RAD51B: variants seen among roughly 807,000 people sequenced by gnomAD.
The protein encoded by RAD51B is DNA repair protein RAD51 homolog 2.
A neutral mutation model predicts 42.2 loss-of-function variants in RAD51B; 38 were observed. The observed-to-expected ratio is 0.90, with a 90% CI of 0.70 to 1.18. The LOEUF (loss-of-function observed/expected upper bound fraction) is 1.18. RAD51B is among the 50% of genes most tolerant of loss of function. The pLI is 0.00. For synonymous variants in RAD51B, 154 were observed against 145.2 expected (o/e 1.06, Z -0.43); for missense variants, 373 against 400.7 (o/e 0.93, Z 0.59).
intron 7 of RAD51B, among the ~76,000 whole-genome samples, chr14:68,039,294 G>A (rs1393191603): frequency 1.3e-5 from 2 of 151,960 alleles, no homozygotes; most frequent in Non-Finnish European, 2.9e-5. Context: ...TGGGTGTGGT[G>A]GCGCATGCCT....
intron 10 of RAD51B, chr14:68,545,437 A>G (rs1888172956): frequency 2.7e-6 from 1 of 374,686 alleles, no homozygotes; most frequent in Non-Finnish European, 5.3e-6. Context: ...CTCCACTGGC[A>G]TGTTTCAGGC....
chr14:67,910,408 A>C, intron 7 of RAD51B, among the ~76,000 whole-genome samples: 1 of 116,256 alleles, frequency 8.6e-6, no homozygotes, highest in African/African-American at 3.8e-5. Flanking sequence ...TCTGTCTCAA[A>C]AAAAAAAAAA....
At chr14:68,399,356 A>T (rs1470785168) in intron 8 of RAD51B, among the ~76,000 whole-genome samples, 1 of 146,666 alleles carries the variant, frequency 6.8e-6, no homozygotes, top group African/African-American at 2.6e-5. Context: ...TCCCGGGTTC[A>T]CGCCATTCTC....
At position 67,983,227 on chromosome 14, in the gene RAD51B, A is replaced by G. The variant is rs150858309; in HGVS notation, c.756+96023A>G. 4.6e-3 allele frequency among the ~76,000 whole-genome samples: 699 copies of G among 152,358 alleles called. 2 individuals are homozygous for G. The highest frequency in any genetic ancestry group is 7.7e-3 in the Non-Finnish European group (527 of 68,032). The stretch of plus-strand genomic sequence containing the variant: ...AAGAGTCTCAGCCAACTAGAGGGTT[A>G]GAATTTTCTTGGTATTTAATGTATT... On this transcript the variant is annotated intron_variant, in intron 7 of 10. Coordinates refer to ENST00000471583, the MANE Select transcript of RAD51B (RefSeq NM_133510.4).
At chr14:68,341,507 GTGGAA>G (rs2082572003) in intron 8 of RAD51B, among the ~76,000 whole-genome samples, 1 of 123,736 alleles carries the variant, frequency 8.1e-6, no homozygotes, top group African/African-American at 3.3e-5. Flanking sequence ...GACAGATCCA[GTGGAA>G]TTTATTGGCT....
chr14:68,609,607 T>C (rs1026205468), intron 10 of RAD51B, among the ~76,000 whole-genome samples: 1 of 152,210 alleles, frequency 6.6e-6, no homozygotes. Flanking sequence ...GGAAGCTGTG[T>C]GGCAGCAGGA....
chr14:68,323,467 G>C (rs1000742636), intron 8 of RAD51B, among the ~76,000 whole-genome samples: 2 of 152,126 alleles, frequency 1.3e-5, no homozygotes, highest in African/African-American at 4.8e-5. Flanking sequence ...GAACTGGGAG[G>C]CCATCCAGAC....
intron 5 of RAD51B, among the ~76,000 whole-genome samples, chr14:67,877,394 T>C (rs2042761516): frequency 6.6e-6 from 1 of 152,168 alleles, no homozygotes; most frequent in Non-Finnish European, 1.5e-5. Context: ...CTCTTTCCAC[T>C]GAACTGTGGT....
At chr14:68,153,908 C>T (rs2078444195) in intron 7 of RAD51B, among the ~76,000 whole-genome samples, 1 of 152,192 alleles carries the variant, frequency 6.6e-6, no homozygotes, top group African/African-American at 2.4e-5. Flanking sequence ...GAGATTTGTT[C>T]TCATTATTCT....
At chr14:67,942,739 A>T (rs2140185280) in intron 7 of RAD51B, among the ~76,000 whole-genome samples, 1 of 152,328 alleles carries the variant, frequency 6.6e-6, no homozygotes, top group African/African-American at 2.4e-5. Flanking sequence ...TCATGAAAGG[A>T]AGACTTAAGA....
chr14:68,332,050 T>G (rs949451115), intron 8 of RAD51B, among the ~76,000 whole-genome samples: 1 of 152,094 alleles, frequency 6.6e-6, no homozygotes, highest in Non-Finnish European at 1.5e-5. Context: ...AAACCCGACT[T>G]CCAAAAAGAG....
intron 7 of RAD51B, among the ~76,000 whole-genome samples, chr14:68,218,506 A>G (rs939593581): frequency 6.6e-6 from 1 of 152,240 alleles, no homozygotes; most frequent in Non-Finnish European, 1.5e-5. Context: ...AAAGCCTGCT[A>G]ATCTCTGTGT....
At chr14:67,848,326 C>T (rs1241868131) in intron 4 of RAD51B, among the ~76,000 whole-genome samples, 2 of 152,092 alleles carry the variant, frequency 1.3e-5, no homozygotes, top group Non-Finnish European at 2.9e-5. Context: ...TGGATTGTAC[C>T]CTTTATCACT....
intron 7 of RAD51B, among the ~76,000 whole-genome samples, chr14:68,147,549 A>C (rs938677419): frequency 6.6e-6 from 1 of 152,128 alleles, no homozygotes; most frequent in Admixed American, 6.5e-5. Flanking sequence ...CTGTCACTAG[A>C]TTTCATCACC....
chr14:68,004,953 T>G (rs1304292130), intron 7 of RAD51B, among the ~76,000 whole-genome samples: 1 of 152,090 alleles, frequency 6.6e-6, no homozygotes, highest in Non-Finnish European at 1.5e-5. Context: ...TCATTCTGTT[T>G]GCTGTGCAGT....
chr14:68,419,442 T>A (rs191874306), intron 9 of RAD51B, among the ~76,000 whole-genome samples: 395 of 145,714 alleles, frequency 2.7e-3, no homozygotes, highest in Middle Eastern at 7.1e-3. Flanking sequence ...AAAAAAAAAA[T>A]TTAAGCACCA....
chr14:68,448,683 T>C (rs538848448), intron 9 of RAD51B, among the ~76,000 whole-genome samples: 2 of 152,348 alleles, frequency 1.3e-5, no homozygotes, highest in South Asian at 4.1e-4. Flanking sequence ...CATTTTGGCA[T>C]AGTCTGCTTT....
intron 7 of RAD51B, among the ~76,000 whole-genome samples, chr14:68,229,996 C>T (rs1022931878): frequency 1.2e-4 from 19 of 152,202 alleles, no homozygotes; most frequent in Admixed American, 1.1e-3. Flanking sequence ...TGAAGCAACT[C>T]ATATCATTTC....
chr14:67,970,159 A>T (rs914653560), intron 7 of RAD51B, among the ~76,000 whole-genome samples: 6 of 152,068 alleles, frequency 3.9e-5, no homozygotes, highest in Non-Finnish European at 8.8e-5. Context: ...TTACCCAGGG[A>T]TGTTTTGTGA....
Sources: allele counts gnomAD v4.1 joint callset (sites outside exome capture counted in the v4.1 genomes callset), GRCh38; gene constraint gnomAD v4.1.1; transcripts MANE v1.5; gene names NCBI Gene and HGNC (gene_info 2026-07-23, HGNC 2026-07-21).